WNT3A: variants seen among roughly 807,000 people sequenced by gnomAD.
WNT3A encodes the protein protein Wnt-3a.
In WNT3A, 17 loss-of-function variants were observed where a neutral mutation model predicts 37.0. That is an observed-to-expected ratio of 0.46 (90% CI 0.31 to 0.69). The LOEUF (loss-of-function observed/expected upper bound fraction) is 0.69, where lower values mean the gene tolerates loss of function less well. Among genes scored for constraint, WNT3A ranks in the 30% least tolerant of loss-of-function variants. The probability of loss-of-function intolerance (pLI) is 0.05; values close to 1 mark genes in which losing one functional copy is unlikely to be tolerated. For synonymous variants in WNT3A, 187 were observed against 211.0 expected (o/e 0.89, Z 0.99); for missense variants, 411 against 510.2 (o/e 0.81, Z 1.87).
chr1:228,054,317 A>C (rs1246542517), intron 3 of WNT3A, among the ~76,000 whole-genome samples: 1 of 152,180 alleles, frequency 6.6e-6, no homozygotes, highest in East Asian at 1.9e-4. Flanking sequence ...ATGTTTCTAT[A>C]ATAATTTTTT....
At chr1:228,047,967 C>G (rs1363972814) in intron 2 of WNT3A, among the ~76,000 whole-genome samples, 1 of 152,140 alleles carries the variant, frequency 6.6e-6, no homozygotes, top group Non-Finnish European at 1.5e-5. Flanking sequence ...GAGATCTAGG[C>G]AGGGTTAAAT....
intron 3 of WNT3A, among the ~76,000 whole-genome samples, chr1:228,054,666 C>T (rs1352295656): frequency 7.2e-6 from 1 of 139,112 alleles, no homozygotes; most frequent in Non-Finnish European, 1.5e-5. Flanking sequence ...ATGTCCAGCA[C>T]ACAATCAAAG....
rs1299527275 is a variant in WNT3A, at chr1:228,038,455, T to G, written c.314-12201T>G. On this transcript the variant is annotated intron_variant, in intron 2 of 3. Coordinates refer to ENST00000284523, the MANE Select transcript of WNT3A (RefSeq NM_033131.4). The surrounding 1 kb of genome is among the most constrained non-coding windows in gnomAD (Gnocchi z 5.7). ...GGCACGAGAAGGACTTTGCTTGTCC[T>G]TTTTCAGGGGCGATGGTCCCCAGAT... Among the ~76,000 whole-genome samples the G allele has an allele frequency of 6.6e-6, 1 of 152,196 alleles. No homozygotes were observed. The highest frequency in any genetic ancestry group is 1.5e-5 in the Non-Finnish European group (1 of 68,020).
At chr1:228,043,537 C>A (rs1022722597) in intron 2 of WNT3A, among the ~76,000 whole-genome samples, 4 of 152,228 alleles carry the variant, frequency 2.6e-5, no homozygotes, top group African/African-American at 9.6e-5. Context: ...GTTTCACCCC[C>A]ATAGCTGACT....
rs368553652 is a variant in WNT3A, at chr1:228,022,649, G to A, written c.72-18G>A. The stretch of plus-strand genomic sequence containing the variant: ...CTGTCCCAGCCCCACACTCACCACC[G>A]GATCTTGCCCTCTGCAGGTCGCTGG... On this transcript the variant is annotated intron_variant, in intron 1 of 3. Transcript: ENST00000284523. The A allele has an allele frequency of 1.5e-5, 24 of 1,603,614 alleles. No homozygotes were observed. The highest frequency in any genetic ancestry group is 2.2e-5 in the East Asian group (1 of 44,640).
rs929083921 is a variant in WNT3A at position 228,037,678 on chromosome 1, G to C, written c.314-12978G>C. ...CCGTTTAAGATGCGTTGGGGTGGGG[G>C]GCTCCCCTGGCTCCAGCGGCCTCTC... On this transcript the variant is annotated intron_variant, in intron 2 of 3. Coordinates refer to ENST00000284523, the MANE Select transcript of WNT3A (RefSeq NM_033131.4). The surrounding 1 kb of genome is among the most constrained non-coding windows in gnomAD (Gnocchi z 4.1). Among the ~76,000 whole-genome samples, 1 of 152,184 alleles carries C rather than the reference G, an allele frequency of 6.6e-6. No homozygotes were observed. Among genetic ancestry groups the C allele is most frequent in the Admixed American group, 6.5e-5 (1 of 15,290 alleles).
intron 2 of WNT3A, among the ~76,000 whole-genome samples, chr1:228,033,949 A>G (rs924708392): frequency 2.0e-5 from 3 of 152,128 alleles, no homozygotes; most frequent in Admixed American, 6.5e-5. Flanking sequence ...TTTTTTAATT[A>G]TTTGTCACTA....
intron 1 of WNT3A, among the ~76,000 whole-genome samples, chr1:228,021,140 C>T (rs982323809): frequency 2.0e-5 from 3 of 152,214 alleles, no homozygotes; most frequent in African/African-American, 4.8e-5. Context: ...CAGAGCACTT[C>T]GGCCAGGCTG....
At position 228,060,729 on chromosome 1, in the gene WNT3A, G is replaced by A. The variant is rs539659069; in HGVS notation, c.*1264G>A. 108 of 158,924 alleles carry A rather than the reference G, an allele frequency of 6.8e-4. No homozygotes were observed. Among genetic ancestry groups the A allele is most frequent in the African/African-American group, 2.3e-3 (96 of 41,690 alleles). 9.8% of individuals were successfully genotyped at this position (158,924 alleles called of 1,614,324 possible). ...CCCACCTGCACTCCATCCAGCTACAGGAGAGATAGAAGCCTCTCGTCCCGT... is the reference window on the plus strand; with the variant it reads ...CCCACCTGCACTCCATCCAGCTACAAGAGAGATAGAAGCCTCTCGTCCCGT... On this transcript the variant is annotated 3_prime_UTR_variant, in exon 4 of 4. Transcript: ENST00000284523.
intron 2 of WNT3A, among the ~76,000 whole-genome samples, chr1:228,043,996 A>G (rs1274749205): frequency 6.6e-6 from 1 of 151,878 alleles, no homozygotes; most frequent in Non-Finnish European, 1.5e-5. Context: ...TTATTTTTAG[A>G]TTAGAGATGA....
At position 228,059,590 on chromosome 1, in the gene WNT3A, G is replaced by T. The variant is rs1229475184; in HGVS notation, c.*125G>T. On this transcript the variant is annotated 3_prime_UTR_variant, in exon 4 of 4. Transcript: ENST00000284523. Reference sequence around the variant, plus strand: ...CCCTGGGGGCGGGACTCCTCCCTGGGGGTGGGGCTCCTACCTGGGGGCAGA... The same window carrying T: ...CCCTGGGGGCGGGACTCCTCCCTGGTGGTGGGGCTCCTACCTGGGGGCAGA... The T allele has an allele frequency of 5.0e-6, 7 of 1,390,154 alleles. No individual in the cohort carries two copies. Among genetic ancestry groups the T allele is most frequent in the Non-Finnish European group, 5.6e-6 (6 of 1,079,972 alleles). The allele number at this position is 1,390,154 out of a possible 1,614,324, so 86.1% of individuals were successfully genotyped here. A position where few individuals can be genotyped will look rare whatever the true frequency, so the allele number is the denominator to read the frequency against.
At chr1:228,011,612 T>A (rs2102760013) in intron 1 of WNT3A, among the ~76,000 whole-genome samples, 1 of 152,338 alleles carries the variant, frequency 6.6e-6, no homozygotes, top group African/African-American at 2.4e-5. Flanking sequence ...CTTTGTCCTG[T>A]CTCTCTCTGC....
intron 2 of WNT3A, among the ~76,000 whole-genome samples, chr1:228,026,044 C>A (rs1230257882): frequency 6.6e-6 from 1 of 152,058 alleles, no homozygotes; most frequent in African/African-American, 2.4e-5. Flanking sequence ...CAGGCGTGAG[C>A]CACTGTGGCC....
intron 2 of WNT3A, among the ~76,000 whole-genome samples, chr1:228,045,642 T>C (rs2031386840): frequency 6.6e-6 from 1 of 152,190 alleles, no homozygotes; most frequent in African/African-American, 2.4e-5. Context: ...CCTCCAGGCC[T>C]GTCTGTGAAC....
rs1037196849 is a variant in WNT3A at position 228,007,293 on chromosome 1, C to A, written c.71+94C>A. On this transcript the variant is annotated intron_variant, in intron 1 of 3. Transcript: ENST00000284523. This position sits in a 1 kb window ranked among gnomAD's most constrained non-coding sequence, Gnocchi z 6.0. ...CAGGGACCCCGCGGTGGCCCGAGCCCGCGCCCTTCTGCTCCAGCCCCGCGT... is the reference window on the plus strand; with the variant it reads ...CAGGGACCCCGCGGTGGCCCGAGCCAGCGCCCTTCTGCTCCAGCCCCGCGT... 6.0e-6 allele frequency: 8 copies of A among 1,323,902 alleles called. No individual in the cohort carries two copies. The Admixed American group carries it at 1.3e-4, about 22-fold the overall frequency. The allele number at this position is 1,323,902 out of a possible 1,614,324, so 82.0% of individuals were successfully genotyped here.
chr1:228,007,261 C>G lies in WNT3A; in HGVS notation c.71+62C>G. On this transcript the variant is annotated intron_variant, in intron 1 of 3. Transcript: ENST00000284523. The surrounding 1 kb of genome is among the most constrained non-coding windows in gnomAD (Gnocchi z 6.0). Reference sequence around the variant, plus strand: ...GCGCCGCGCCCGCAGCAGACGGTCCCCTCGGGCAGGGACCCCGCGGTGGCC... The same window carrying G: ...GCGCCGCGCCCGCAGCAGACGGTCCGCTCGGGCAGGGACCCCGCGGTGGCC... 1.3e-6 allele frequency: 2 copies of G among 1,529,234 alleles called. No homozygotes were observed. Among genetic ancestry groups the G allele is most frequent in the Non-Finnish European group, 1.8e-6 (2 of 1,128,030 alleles). The allele number at this position is 1,529,234 out of a possible 1,614,324, so 94.7% of individuals were successfully genotyped here.
intron 1 of WNT3A, among the ~76,000 whole-genome samples, chr1:228,012,401 TG>T (rs1357200793): frequency 6.6e-6 from 1 of 152,226 alleles, no homozygotes; most frequent in Non-Finnish European, 1.5e-5. Context: ...TGTAGCGGTT[TG>T]ACGGTGCTGC....
intron 2 of WNT3A, among the ~76,000 whole-genome samples, chr1:228,047,969 G>C (rs2031461732): frequency 1.3e-5 from 2 of 152,160 alleles, no homozygotes; most frequent in Non-Finnish European, 2.9e-5. Context: ...GATCTAGGCA[G>C]GGTTAAATAT....
intron 2 of WNT3A, among the ~76,000 whole-genome samples, chr1:228,023,728 G>A (rs889384142): frequency 2.0e-5 from 3 of 152,174 alleles, no homozygotes; most frequent in African/African-American, 7.2e-5. Context: ...GTAGCATTTG[G>A]TATACTCACA....
Sources: allele counts gnomAD v4.1 joint callset (sites outside exome capture counted in the v4.1 genomes callset), GRCh38; gene constraint gnomAD v4.1.1; non-coding constraint Gnocchi (gnomAD v3.1); transcripts MANE v1.5; gene names NCBI Gene and HGNC (gene_info 2026-07-23, HGNC 2026-07-21).